Variants in BMI1 observed in about 807,000 individuals in gnomAD.
BMI1 encodes the protein polycomb complex protein BMI-1.
BMI1 carries 9 observed loss-of-function variants against 39.1 expected under a neutral mutation model. The ratio of observed to expected loss-of-function variants is 0.23; its 90% CI spans 0.14 to 0.40. The LOEUF (loss-of-function observed/expected upper bound fraction) is 0.40, where lower values mean the gene tolerates loss of function less well. BMI1 is among the 10% of genes least tolerant of loss of function. BMI1 has a pLI of 1.00. For synonymous variants in BMI1, 131 were observed against 127.9 expected (o/e 1.02, Z -0.16); for missense variants, 252 against 390.8 (o/e 0.64, Z 2.99).
At chr10:22,326,344 A>C (rs1190838620) in intron 1 of BMI1, 87 bp from the exon 2 acceptor site, 1 of 1,549,762 alleles carries the variant, frequency 6.5e-7, no homozygotes, top group African/African-American at 1.4e-5. Context: ...AATGAGTTTT[A>C]TAAATTCAGT....
chr10:22,327,556 C>T (rs1290298131), intron 3 of BMI1, 39 bp from the exon 4 acceptor site: 3 of 1,545,628 alleles, frequency 1.9e-6, no homozygotes, highest in Non-Finnish European at 1.8e-6. Context: ...TAGTTCTTGC[C>T]ATCTGAATTC....
intron 7 of BMI1, 103 bp downstream of exon 7, chr10:22,328,282 G>A: frequency 7.6e-7 from 1 of 1,319,276 alleles, no homozygotes; most frequent in Non-Finnish European, 1.0e-6. Context: ...TTAAATAGAA[G>A]AAAATGGTCA....
In BMI1 at chr10:22,326,483, C is replaced by T. The variant is rs1294694270; in HGVS notation, c.34C>T (p.Leu12=). The T allele has an allele frequency of 6.2e-7, 1 of 1,613,948 alleles. No individual in the cohort carries two copies. The highest frequency in any genetic ancestry group is 1.3e-5 in the African/African-American group (1 of 74,918). Residue 12 remains leucine, a synonymous_variant, in exon 2 of 10, where the codon CTA becomes TTA. Coordinates refer to ENST00000376663, the MANE Select transcript of BMI1 (RefSeq NM_005180.9). ...AACAACGAGAATCAAGATCACTGAG[C>T]TAAATCCCCACCTGATGTGTGTGCT... is the stretch of plus-strand genomic sequence containing the variant. ...HRTTRIKITE[L]NPHLMCVLCG... is the part of the protein sequence containing the mutation.
Position 22,330,582 on chromosome 10 carries a change from GAATT to G in BMI1, c.*1044_*1047del, listed in dbSNP as rs1380124584. On this transcript the variant is annotated 3_prime_UTR_variant, in exon 10 of 10. Coordinates refer to ENST00000376663, the MANE Select transcript of BMI1 (RefSeq NM_005180.9). ...TCTTAATTTTCCATTGGCTATGATG[GAATT>G]AATATTGTATTTTAAAAATGCATAT... The G allele has an allele frequency of 6.6e-6, 1 of 152,124 alleles. No individual in the cohort carries two copies. Among genetic ancestry groups the G allele is most frequent in the Admixed American group, 6.5e-5 (1 of 15,280 alleles). The allele number at this position is 152,124 out of a possible 1,614,324, so 9.4% of individuals were successfully genotyped here.
At chr10:22,328,928 T>G (rs1836223540) in intron 8 of BMI1, 120 bp from the exon 9 acceptor site, 22 of 1,165,836 alleles carry the variant, frequency 1.9e-5, no homozygotes, top group East Asian at 1.3e-4. Context: ...TCAGGAGTCT[T>G]TCTTTGTTAA....
At chr10:22,324,363 A>G (rs1003075558) in intron 1 of BMI1, among the ~76,000 whole-genome samples, 1 of 152,240 alleles carries the variant, frequency 6.6e-6, no homozygotes, top group African/African-American at 2.4e-5. Context: ...TTAATTTACC[A>G]AGTATAATTT....
At chr10:22,327,697 T>G in intron 4 of BMI1, 45 bp from the exon 5 acceptor site, 1 of 1,612,898 alleles carries the variant, frequency 6.2e-7, no homozygotes, top group Non-Finnish European at 8.5e-7. Flanking sequence ...TATTCATTAG[T>G]TCTTTGTGTT....
At chr10:22,326,829 A>C in intron 2 of BMI1, 61 bp from the exon 3 acceptor site, 1 of 1,583,342 alleles carries the variant, frequency 6.3e-7, no homozygotes, top group African/African-American at 1.4e-5. Flanking sequence ...TGGGTTTCTA[A>C]CACCAATGAT....
chr10:22,329,740 TATA>T lies in BMI1; in HGVS notation c.*200_*202del. ...GTTAATTGAAAAGAAAGATTGTTGT[TATA>T]AAGAATTGGTTTCTTGGAAAGCAGG... On this transcript the variant is annotated 3_prime_UTR_variant, in exon 10 of 10. Coordinates refer to ENST00000376663, the MANE Select transcript of BMI1 (RefSeq NM_005180.9). 3.1e-6 allele frequency: 2 copies of T among 651,334 alleles called. No individual in the cohort carries two copies. The highest frequency in any genetic ancestry group is 5.0e-6 in the Non-Finnish European group (2 of 403,948). The allele number at this position is 651,334 out of a possible 1,614,324, so 40.3% of individuals were successfully genotyped here.
At position 22,327,909 on chromosome 10, in the gene BMI1, C is replaced by T. The variant is rs540465939; in HGVS notation, c.317-41C>T. On this transcript the variant is annotated intron_variant, in intron 5 of 9. Coordinates refer to ENST00000376663, the MANE Select transcript of BMI1 (RefSeq NM_005180.9). Reference sequence around the variant, plus strand: ...CCTCTTATATATAAAATTTATTAGGCATCTGATTTTTAAAAATTACATTTC... The same window carrying T: ...CCTCTTATATATAAAATTTATTAGGTATCTGATTTTTAAAAATTACATTTC... 4.5e-5 allele frequency: 71 copies of T among 1,580,062 alleles called. No individual in the cohort carries two copies. The South Asian group carries it at 7.6e-4, about 17-fold the overall frequency.
intron 2 of BMI1, 139 bp downstream of exon 2, chr10:22,326,700 A>G (rs1836162575): frequency 7.1e-7 from 1 of 1,399,786 alleles, no homozygotes; most frequent in African/African-American, 1.5e-5. Context: ...TCTTGCATCT[A>G]ATGACTTTTT....
Position 22,321,639 on chromosome 10 carries a change from T to C in BMI1, c.-77T>C, listed in dbSNP as rs1180618510. 1 of 152,468 alleles carries C rather than the reference T, an allele frequency of 6.6e-6. No homozygotes were observed. The highest frequency in any genetic ancestry group is 2.1e-4 in the South Asian group (1 of 4,828). The allele number at this position is 152,468 out of a possible 1,614,324, so 9.4% of individuals were successfully genotyped here. On this transcript the variant is annotated 5_prime_UTR_variant, in exon 1 of 10. Coordinates refer to ENST00000376663, the MANE Select transcript of BMI1 (RefSeq NM_005180.9). Reference sequence around the variant, plus strand: ...CATTCATTTTCTGCTGAACGACTTTTAACTTTCATTGTCTTTTCCGCCCGC... The same window carrying C: ...CATTCATTTTCTGCTGAACGACTTTCAACTTTCATTGTCTTTTCCGCCCGC...
At chr10:22,321,926 C>CCT (rs1836012458) in intron 1 of BMI1, among the ~76,000 whole-genome samples, 1 of 144,960 alleles carries the variant, frequency 6.9e-6, no homozygotes, top group Non-Finnish European at 1.5e-5. Context: ...CGCCGCCGCC[C>CCT]GCCGACTCCC....
In BMI1 at chr10:22,329,298, C is replaced by T. The variant is rs202165238; in HGVS notation, c.737C>T (p.Ala246Val). The change falls in exon 10 of 10, where the codon GCT becomes GTT. Residue 246 changes from alanine (A) to valine (V), a missense_variant. Ala to Val is a moderately conservative substitution (Grantham distance 64). This residue lies in a region of BMI1 where 96 missense variants were observed against 120.2 expected (regional missense o/e 0.80). Coordinates refer to ENST00000376663, the MANE Select transcript of BMI1 (RefSeq NM_005180.9). ...ISHQRDGLTNAGELESDSGSD... is the reference protein window; with the variant it reads ...ISHQRDGLTNVGELESDSGSD... The stretch of plus-strand genomic sequence containing the variant: ...CACCAGAGAGATGGACTGACAAATG[C>T]TGGAGAACTGGAAAGTGACTCTGGG... 11 of 1,614,172 alleles carry T rather than the reference C, an allele frequency of 6.8e-6. No individual in the cohort carries two copies. In the East Asian group the frequency reaches 2.2e-4, roughly 33 times the overall value.
At chr10:22,325,825 C>G (rs1386461885) in intron 1 of BMI1, 1 of 152,138 alleles carries the variant, frequency 6.6e-6, no homozygotes, top group Non-Finnish European at 1.5e-5. Flanking sequence ...ATCCCGGCCC[C>G]CGGGCGTCCG....
intron 1 of BMI1, among the ~76,000 whole-genome samples, chr10:22,324,128 TCTC>T: frequency 1.3e-5 from 2 of 152,324 alleles, no homozygotes; most frequent in Middle Eastern, 6.8e-3. Context: ...GTTTGATTGT[TCTC>T]CTTGTTAATA....
chr10:22,327,021 T>C, intron 3 of BMI1, 35 bp downstream of exon 3: 1 of 1,603,842 alleles, frequency 6.2e-7, no homozygotes, highest in South Asian at 1.1e-5. Flanking sequence ...TTTGTAATTA[T>C]TATTGGAGTT....
In BMI1 at chr10:22,328,669, A is replaced by T. The variant is rs758224919; in HGVS notation, c.541A>T (p.Ser181Cys). 6.2e-7 allele frequency: 1 copy of T among 1,606,348 alleles called. No individual in the cohort carries two copies. The highest frequency in any genetic ancestry group is 1.1e-5 in the South Asian group (1 of 89,642). ...TVMHLRKFLR[S>C]KMDIPNTFQI... ...GATGCACTTAAGAAAGTTTCTCAGA[A>T]GTAAAATGGACATACCTAATACTTT... Residue 181 changes from serine (S) to cysteine (C), a missense_variant, in exon 8 of 10, where the codon AGT becomes TGT. By Grantham distance (112) the Ser-to-Cys change is moderately radical (BLOSUM62 -1). Coordinates refer to ENST00000376663, the MANE Select transcript of BMI1 (RefSeq NM_005180.9).
At chr10:22,326,789 G>A (rs1836164838) in intron 2 of BMI1, 101 bp from the exon 3 acceptor site, 3 of 1,440,034 alleles carry the variant, frequency 2.1e-6, no homozygotes, top group African/African-American at 2.8e-5. Context: ...AGTTGGAAAT[G>A]CCTTTCACCA....
Sources: allele counts gnomAD v4.1 joint callset (sites outside exome capture counted in the v4.1 genomes callset), GRCh38; gene constraint gnomAD v4.1.1; regional missense constraint gnomAD v4.1.1; transcripts MANE v1.5; gene names NCBI Gene and HGNC (gene_info 2026-07-23, HGNC 2026-07-21).